The following THRB variants were observed in gnomAD, a reference collection of about 807,000 sequenced individuals.
The protein encoded by THRB is nuclear receptor subfamily 1 group A member 2.
In THRB, 12 loss-of-function variants were observed where a neutral mutation model predicts 47.8. That is an observed-to-expected ratio of 0.25 (90% CI 0.16 to 0.41). The LOEUF is 0.41. Ranked by LOEUF, THRB falls within the 10% of genes least tolerant of loss-of-function variation. The probability of loss-of-function intolerance (pLI) is 1.00; values close to 1 mark genes in which losing one functional copy is unlikely to be tolerated. For synonymous variants in THRB, 218 were observed against 212.2 expected (o/e 1.03, Z -0.24); for missense variants, 348 against 589.2 (o/e 0.59, Z 4.24).
chr3:24,364,797 G>A (rs949819184), intron 1 of THRB, among the ~76,000 whole-genome samples: 2 of 152,134 alleles, frequency 1.3e-5, no homozygotes, highest in African/African-American at 4.8e-5. Context: ...ACAAACAACT[G>A]AGAACAATAG....
intron 3 of THRB, among the ~76,000 whole-genome samples, chr3:24,261,196 C>A (rs1463997473): frequency 6.6e-6 from 1 of 151,834 alleles, no homozygotes; most frequent in Admixed American, 6.6e-5. Flanking sequence ...ATGTTATTTC[C>A]TGAATCTTCA....
At chr3:24,276,391 G>T (rs1228325729) in intron 3 of THRB, among the ~76,000 whole-genome samples, 3 of 152,170 alleles carry the variant, frequency 2.0e-5, no homozygotes, top group Non-Finnish European at 4.4e-5. Context: ...ATAGTGCAGT[G>T]ATTATTAGCA....
intron 1 of THRB, among the ~76,000 whole-genome samples, chr3:24,377,337 T>C (rs2065365415): frequency 6.6e-6 from 1 of 152,124 alleles, no homozygotes; most frequent in South Asian, 2.1e-4. Context: ...GGATGTCCTA[T>C]TTCTTGGACA....
chr3:24,490,969 A>C (rs1698057146), intron 1 of THRB, among the ~76,000 whole-genome samples: 1 of 152,110 alleles, frequency 6.6e-6, no homozygotes, highest in South Asian at 2.1e-4. Flanking sequence ...ACCTCACTTC[A>C]CTTTATGTAG....
chr3:24,320,142 T>C (rs972394258), intron 2 of THRB, among the ~76,000 whole-genome samples: 1 of 152,054 alleles, frequency 6.6e-6, no homozygotes, highest in Non-Finnish European at 1.5e-5. Context: ...CTCCGAAGAG[T>C]GTAAGCATAC....
chr3:24,311,228 A>T (rs557924831), intron 2 of THRB, among the ~76,000 whole-genome samples: 208 of 152,304 alleles, frequency 1.4e-3, no homozygotes, highest in Middle Eastern at 0.01. Context: ...TAGAATTCTG[A>T]CTGAGGAAAA....
intron 3 of THRB, among the ~76,000 whole-genome samples, chr3:24,256,021 A>T (rs571295945): frequency 6.6e-6 from 1 of 152,334 alleles, no homozygotes; most frequent in South Asian, 2.1e-4. Context: ...CCCACTATTT[A>T]AAGAACTCTA....
At chr3:24,315,044 CT>C (rs1363104433) in intron 2 of THRB, among the ~76,000 whole-genome samples, 1 of 152,196 alleles carries the variant, frequency 6.6e-6, no homozygotes, top group African/African-American at 2.4e-5. Context: ...TTTTCTTTGT[CT>C]TTTAATTCCA....
intron 3 of THRB, among the ~76,000 whole-genome samples, chr3:24,280,682 A>C (rs1023856023): frequency 6.6e-6 from 1 of 152,120 alleles, no homozygotes; most frequent in African/African-American, 2.4e-5. Context: ...TAAGTTGAAA[A>C]CTTTGAAAAA....
At chr3:24,185,228 AC>A (rs2042417453) in intron 5 of THRB, among the ~76,000 whole-genome samples, 1 of 152,172 alleles carries the variant, frequency 6.6e-6, no homozygotes, top group African/African-American at 2.4e-5. Flanking sequence ...GAAAGTCAGG[AC>A]TCAGAATATT....
chr3:24,447,997 T>A (rs998490868), intron 1 of THRB, among the ~76,000 whole-genome samples: 1 of 152,100 alleles, frequency 6.6e-6, no homozygotes, highest in Non-Finnish European at 1.5e-5. Context: ...TGATGACGAA[T>A]TCTTTCTTTC....
intron 3 of THRB, among the ~76,000 whole-genome samples, chr3:24,230,972 G>A (rs887127451): frequency 3.9e-5 from 6 of 152,188 alleles, no homozygotes; most frequent in Non-Finnish European, 7.3e-5. Context: ...TGAGAGAGAG[G>A]ATCCATCTGA....
chr3:24,367,046 T>C (rs920922550), intron 1 of THRB, among the ~76,000 whole-genome samples: 1 of 152,214 alleles, frequency 6.6e-6, no homozygotes, highest in Non-Finnish European at 1.5e-5. Flanking sequence ...GAAAAACTAA[T>C]GACACATTCA....
chr3:24,270,444 G>T (rs1018954498), intron 3 of THRB, among the ~76,000 whole-genome samples: 2 of 152,304 alleles, frequency 1.3e-5, no homozygotes, highest in Admixed American at 6.5e-5. Flanking sequence ...AGAATGAAAA[G>T]AGATCCATGT....
intron 4 of THRB, among the ~76,000 whole-genome samples, chr3:24,212,061 A>G (rs1012813269): frequency 6.6e-6 from 1 of 150,972 alleles, no homozygotes; most frequent in African/African-American, 2.4e-5. Flanking sequence ...GTCAGGAGTT[A>G]GAGACCAGCC....
intron 1 of THRB, among the ~76,000 whole-genome samples, chr3:24,434,790 G>GCTT (rs2070775725): frequency 1.3e-5 from 2 of 152,256 alleles, no homozygotes; most frequent in Non-Finnish European, 2.9e-5. Flanking sequence ...ATGCAGAGAG[G>GCTT]CTTCCTCTAA....
At chr3:24,272,377 A>AC (rs1559791569) in intron 3 of THRB, among the ~76,000 whole-genome samples, 45 of 146,098 alleles carry the variant, frequency 3.1e-4, no homozygotes, top group Middle Eastern at 3.5e-3. Flanking sequence ...ACAACAAACA[A>AC]AAACAAACAA....
intron 3 of THRB, among the ~76,000 whole-genome samples, chr3:24,272,721 ACAT>A (rs2053482312): frequency 6.6e-6 from 1 of 152,152 alleles, no homozygotes; most frequent in South Asian, 2.1e-4. Context: ...TTCTTTTTTG[ACAT>A]CATATTTCAC....
chr3:24,322,152 A>G lies in THRB; in HGVS notation c.-189+15148T>C, dbSNP rs539402925. 5.8e-4 allele frequency among the ~76,000 whole-genome samples: 89 copies of G among 152,330 alleles called. 1 individual carries two copies. The highest frequency in any genetic ancestry group is 2.4e-3 in the Admixed American group (37 of 15,302). On this transcript the variant is annotated intron_variant, in intron 2 of 10. Coordinates refer to ENST00000646209, the MANE Select transcript of THRB (RefSeq NM_001354712.2). The stretch of plus-strand genomic sequence containing the variant: ...AGGCATATTTATAATGTAAGAAACA[A>G]GATAAATTTTGAGAAAAAAATGAAT...
Sources: gnomAD v4.1 joint callset for allele counts (sites outside exome capture counted in the v4.1 genomes callset) on GRCh38, gnomAD v4.1.1 for gene constraint, MANE v1.5 for transcripts, NCBI Gene and HGNC (gene_info 2026-07-23, HGNC 2026-07-21) for gene names.